Variants in PRPF18 observed in about 807,000 individuals in gnomAD.
PRPF18 encodes pre-mRNA-splicing factor 18.
In PRPF18, 38 loss-of-function variants were observed where a neutral mutation model predicts 46.5. That is an observed-to-expected ratio of 0.82 (90% confidence interval 0.63 to 1.07). The LOEUF (loss-of-function observed/expected upper bound fraction) is 1.07, where lower values mean the gene tolerates loss of function less well. Ranked by LOEUF, PRPF18 falls within the 50% of genes least tolerant of loss-of-function variation. The probability of loss-of-function intolerance (pLI) is 0.00; values close to 1 mark genes in which losing one functional copy is unlikely to be tolerated. For synonymous variants in PRPF18, 152 were observed against 146.7 expected (o/e 1.04, Z -0.26); for missense variants, 263 against 410.0 (o/e 0.64, Z 3.10).
chr10:13,616,752 G>A (rs76860421), intron 9 of PRPF18, among the ~76,000 whole-genome samples, 199 bp downstream of exon 9: 1 of 152,028 alleles, frequency 6.6e-6, no homozygotes, highest in Non-Finnish European at 1.5e-5. Flanking sequence ...CATATATGTT[G>A]GAAGACAAGG....
intron 9 of PRPF18, among the ~76,000 whole-genome samples, chr10:13,627,877 A>G (rs1276590108): frequency 6.6e-6 from 1 of 152,124 alleles, no homozygotes; most frequent in Non-Finnish European, 1.5e-5. Context: ...TGCGCATAAC[A>G]ATTCTTGCCA....
rs756838578 is a variant in PRPF18, at chr10:13,597,572, C to T, written c.144+37C>T. On this transcript the variant is annotated intron_variant, in intron 2 of 9. Coordinates refer to ENST00000378572, the MANE Select transcript of PRPF18 (RefSeq NM_003675.4). ...TGCTTTTATGTTAAATTGTACATTT[C>T]TGAGTTTAAATTTATACAGCTGTTG... is the stretch of plus-strand genomic sequence containing the variant. The T allele has an allele frequency of 9.4e-6, 15 of 1,598,276 alleles. No homozygotes were observed. The South Asian group carries it at 1.7e-4, about 18-fold the overall frequency.
At chr10:13,598,884 A>G (rs1374547729) in intron 2 of PRPF18, among the ~76,000 whole-genome samples, 3 of 152,176 alleles carry the variant, frequency 2.0e-5, no homozygotes, top group African/African-American at 7.2e-5. Context: ...TAGGAAAGTA[A>G]CTTAATATAG....
intron 3 of PRPF18, 86 bp downstream of exon 3, chr10:13,600,434 A>G: frequency 1.0e-6 from 1 of 992,776 alleles, no homozygotes; most frequent in African/African-American, 1.7e-5. Flanking sequence ...GTTAAACGTC[A>G]TTATTTCCTG....
At chr10:13,655,196 A>G in the PRPF18 span, 1 of 152,244 alleles carries the variant, frequency 6.6e-6, no homozygotes, top group Non-Finnish European at 1.5e-5. Flanking sequence ...TGGTAAAGGA[A>G]TCCTTTCCAT....
At chr10:13,635,808 G>C (rs2080632493), downstream of PRPF18, among the ~76,000 whole-genome samples, 1 of 152,182 alleles carries the variant, frequency 6.6e-6, no homozygotes, top group South Asian at 2.1e-4. Flanking sequence ...CCTGTTAGAT[G>C]AATCTAGGAC....
At chr10:13,611,187 C>CTTTTTTTTTTTTTTTTTTTTTTTTTGGTT (rs35441441) in intron 5 of PRPF18, among the ~76,000 whole-genome samples, 1 of 120,990 alleles carries the variant, frequency 8.3e-6, no homozygotes, top group African/African-American at 3.1e-5. Context: ...CAGTTGTGGG[C>CTTTTTTTTTTTTTTTTTTTTTTTTTGGTT]TTTTTTTTTT....
At chr10:13,608,274 A>G (rs752127161) in intron 4 of PRPF18, among the ~76,000 whole-genome samples, 2 of 152,238 alleles carry the variant, frequency 1.3e-5, no homozygotes, top group African/African-American at 2.4e-5. Context: ...GGCCGAAATC[A>G]TGTGAGGCTG....
the PRPF18 span, chr10:13,641,801 G>A: frequency 2.0e-5 from 3 of 152,300 alleles, no homozygotes; most frequent in African/African-American, 4.8e-5. Context: ...GGGAGTCATC[G>A]TTGACCTTGG....
the PRPF18 span, chr10:13,648,223 G>A: frequency 2.0e-5 from 3 of 152,220 alleles, no homozygotes; most frequent in African/African-American, 4.8e-5. Flanking sequence ...ACCAGCTTCA[G>A]AAGCAAAGTA....
At chr10:13,653,244 G>A in the PRPF18 span, 10 of 152,342 alleles carry the variant, frequency 6.6e-5, no homozygotes, top group East Asian at 3.9e-4. Flanking sequence ...CAAAAATGCC[G>A]ACCAGGTGCC....
chr10:13,634,674 A>G (rs910455938), downstream of PRPF18, among the ~76,000 whole-genome samples: 6 of 152,220 alleles, frequency 3.9e-5, no homozygotes, highest in African/African-American at 1.4e-4. Flanking sequence ...CCACAACTCA[A>G]AACAAGTGTA....
intron 1 of PRPF18, among the ~76,000 whole-genome samples, chr10:13,595,194 G>A (rs1189178291): frequency 2.0e-5 from 3 of 152,104 alleles, no homozygotes; most frequent in Admixed American, 6.5e-5. Context: ...CAATGAAAAC[G>A]GGGCACATAA....
At chr10:13,592,788 A>T (rs921057640) in intron 1 of PRPF18, among the ~76,000 whole-genome samples, 1 of 152,224 alleles carries the variant, frequency 6.6e-6, no homozygotes, top group Non-Finnish European at 1.5e-5. Context: ...AGTTATGAGG[A>T]TGAGCTATGT....
At chr10:13,645,133 C>G in the PRPF18 span, 2 of 152,168 alleles carry the variant, frequency 1.3e-5, no homozygotes, top group African/African-American at 4.8e-5. Flanking sequence ...GAAGGAATAC[C>G]TTGGTATTTG....
chr10:13,605,844 A>G lies in PRPF18; in HGVS notation c.363+100A>G, dbSNP rs141196825. The G allele has an allele frequency of 1.6e-3, 2,224 of 1,402,730 alleles. 35 individuals are homozygous for G. The Admixed American group carries it at 0.026, about 16-fold the overall frequency. The allele number at this position is 1,402,730 out of a possible 1,614,324, so 86.9% of individuals were successfully genotyped here. A position where few individuals can be genotyped will look rare whatever the true frequency, so the allele number is the denominator to read the frequency against. On this transcript the variant is annotated intron_variant, in intron 4 of 9. Coordinates refer to ENST00000378572, the MANE Select transcript of PRPF18 (RefSeq NM_003675.4). ...ATTGTAGGCAACAATGGAAAAGTAA[A>G]GTGAGCAGATTATTGCTGCTGAATG... is the stretch of plus-strand genomic sequence containing the variant.
At chr10:13,605,132 T>A (rs370655812) in intron 3 of PRPF18, among the ~76,000 whole-genome samples, 1 of 152,204 alleles carries the variant, frequency 6.6e-6, no homozygotes, top group Non-Finnish European at 1.5e-5. Context: ...TTTGGAAACA[T>A]CTTTGTTTAG....
At chr10:13,647,802 C>G in the PRPF18 span, 1 of 141,738 alleles carries the variant, frequency 7.1e-6, no homozygotes, top group Non-Finnish European at 1.5e-5. Context: ...ATTCTTAAAT[C>G]TTAAGAAGCA....
chr10:13,632,315 T>C (rs1048607811), downstream of PRPF18, among the ~76,000 whole-genome samples: 5 of 152,094 alleles, frequency 3.3e-5, no homozygotes, highest in Non-Finnish European at 7.4e-5. Context: ...CACTCCAGCC[T>C]GGGCAACAGA....
Sources: allele counts gnomAD v4.1 joint callset (sites outside exome capture counted in the v4.1 genomes callset), GRCh38; gene constraint gnomAD v4.1.1; transcripts MANE v1.5; gene names NCBI Gene and HGNC (gene_info 2026-07-23, HGNC 2026-07-21).